TMBIM6: variants seen among roughly 807,000 people sequenced by gnomAD.
TMBIM6 encodes transmembrane BAX inhibitor motif containing 6.
A neutral mutation model predicts 31.4 loss-of-function variants in TMBIM6; 13 were observed. The ratio of observed to expected loss-of-function variants is 0.41; its 90% CI spans 0.27 to 0.66. The LOEUF (loss-of-function observed/expected upper bound fraction) is 0.66. Ranked by LOEUF, TMBIM6 falls within the 30% of genes least tolerant of loss-of-function variation. The pLI, the probability that TMBIM6 is intolerant of heterozygous loss-of-function variation, is 0.28. For synonymous variants in TMBIM6, 85 were observed against 101.7 expected, an observed-to-expected ratio of 0.84 and a Z score of 0.99; for missense variants, 275 against 289.5, an observed-to-expected ratio of 0.95 and a Z score of 0.36.
chr12:49,747,108 G>A (rs1224434463), intron 1 of TMBIM6, among the ~76,000 whole-genome samples: 1 of 152,036 alleles, frequency 6.6e-6, no homozygotes, highest in East Asian at 1.9e-4. Context: ...AAAGTGCTGG[G>A]ATTACAGGCA....
At chr12:49,758,543 T>G in intron 6 of TMBIM6, 63 bp downstream of exon 6, 1 of 1,570,440 alleles carries the variant, frequency 6.4e-7, no homozygotes, top group Middle Eastern at 1.7e-4. Context: ...TCACTAGTAC[T>G]CCTTCCTTAC....
rs768669673 is a variant in TMBIM6 at position 49,758,399 on chromosome 12, T to C, written c.352T>C (p.Phe118Leu). 2 of 1,614,230 alleles carry C rather than the reference T, an allele frequency of 1.2e-6. No individual in the cohort carries two copies. Among genetic ancestry groups the C allele is most frequent in the Admixed American group, 1.7e-5 (1 of 60,024 alleles). ...AVNPSILPTA[F>L]MGTAMIFTCF... ...TTCTAACAGCATCCTTCCCACTGCT[T>C]TCATGGGCACGGCAATGATCTTTAC... is the stretch of plus-strand genomic sequence containing the variant. The change falls in exon 6 of 10, where the codon TTC (phenylalanine) becomes CTC (leucine). Residue 118 changes from phenylalanine to leucine, a missense_variant. Coordinates refer to ENST00000267115, the MANE Select transcript of TMBIM6 (RefSeq NM_003217.3).
chr12:49,754,146 A>C (rs1468309520), intron 3 of TMBIM6, among the ~76,000 whole-genome samples: 2 of 151,900 alleles, frequency 1.3e-5, no homozygotes, highest in African/African-American at 4.8e-5. Flanking sequence ...TTGTGCTTTT[A>C]ATTGGTGATT....
rs1945752825 is a variant in TMBIM6 at position 49,763,185 on chromosome 12, C to T, written c.*289C>T. 3 of 317,848 alleles carry T rather than the reference C, an allele frequency of 9.4e-6. No homozygotes were observed. Among genetic ancestry groups the T allele is most frequent in the African/African-American group, 6.2e-5 (3 of 48,068 alleles). 19.7% of individuals were successfully genotyped at this position (317,848 alleles called of 1,614,324 possible). A position where few individuals can be genotyped will look rare whatever the true frequency, so the allele number is the denominator to read the frequency against. Reference sequence around the variant, plus strand: ...CGACCCGCCACGATGAGAAGTGGGACCAGCAGAGGGCGCCAACTTCAGGAG... The same window carrying T: ...CGACCCGCCACGATGAGAAGTGGGATCAGCAGAGGGCGCCAACTTCAGGAG... On this transcript the variant is annotated 3_prime_UTR_variant, in exon 10 of 10. Coordinates refer to ENST00000267115, the MANE Select transcript of TMBIM6 (RefSeq NM_003217.3).
intron 1 of TMBIM6, among the ~76,000 whole-genome samples, chr12:49,748,727 T>C (rs1175622304): frequency 2.0e-5 from 3 of 152,226 alleles, no homozygotes; most frequent in Non-Finnish European, 2.9e-5. Context: ...CAGGAGGCAC[T>C]ATCCACATTG....
Position 49,759,228 on chromosome 12 carries a change from T to TGTATGA in TMBIM6, c.526_527insAGTATG (p.Tyr175_Val176insGluTyr), listed in dbSNP as rs1393794276. On this transcript the variant is annotated inframe_insertion, in exon 8 of 10. Transcript: ENST00000267115. The stretch of plus-strand genomic sequence containing the variant: ...ATCTCTTACATTTGTTAGGCAAACC[T>TGTATGA]GTATGTGGGACTGGTGGTCATGTGT... 6.2e-7 allele frequency: 1 copy of TGTATGA among 1,614,056 alleles called. No individual in the cohort carries two copies. Among genetic ancestry groups the TGTATGA allele is most frequent in the South Asian group, 1.1e-5 (1 of 91,086 alleles).
At chr12:49,761,983 C>T (rs1431279297) in intron 9 of TMBIM6, 1 of 538,940 alleles carries the variant, frequency 1.9e-6, no homozygotes. Flanking sequence ...TTAACTAATT[C>T]CTGCGTTTAG....
In TMBIM6 at chr12:49,764,710, TAAAAAAAAAAAA is replaced by T. The variant is rs1945783690; in HGVS notation, c.*1815_*1826del. The T allele has an allele frequency of 9.8e-6, 1 of 101,782 alleles. No homozygotes were observed. The highest frequency in any genetic ancestry group is 2.0e-5 in the Non-Finnish European group (1 of 50,084). The allele number at this position is 101,782 out of a possible 1,614,324, so 6.3% of individuals were successfully genotyped here. A position where few individuals can be genotyped will look rare whatever the true frequency, so the allele number is the denominator to read the frequency against. ...AACAGTGCCAAGAATGACAAGATAT[TAAAAAAAAAAAA>T]GAAAGAAAAAAAAAAAAACACCTAC... On this transcript the variant is annotated 3_prime_UTR_variant, in exon 10 of 10. Coordinates refer to ENST00000267115, the MANE Select transcript of TMBIM6 (RefSeq NM_003217.3).
Position 49,763,602 on chromosome 12 carries a change from C to G in TMBIM6, c.*706C>G, listed in dbSNP as rs960120254. The G allele has an allele frequency of 2.6e-5, 4 of 152,226 alleles. No individual in the cohort carries two copies. Among genetic ancestry groups the G allele is most frequent in the Non-Finnish European group, 4.4e-5 (3 of 68,056 alleles). The allele number at this position is 152,226 out of a possible 1,614,324, so 9.4% of individuals were successfully genotyped here. A position where few individuals can be genotyped will look rare whatever the true frequency, so the allele number is the denominator to read the frequency against. Reference sequence around the variant, plus strand: ...GCACAAAGGAAAGACTAATTCTTGTCAGGCATTTTTGAAAAGGCTGATTAT... The same window carrying G: ...GCACAAAGGAAAGACTAATTCTTGTGAGGCATTTTTGAAAAGGCTGATTAT... On this transcript the variant is annotated 3_prime_UTR_variant, in exon 10 of 10. Coordinates refer to ENST00000267115, the MANE Select transcript of TMBIM6 (RefSeq NM_003217.3).
intron 1 of TMBIM6, among the ~76,000 whole-genome samples, chr12:49,747,454 G>A (rs148343156): frequency 2.6e-5 from 4 of 151,836 alleles, no homozygotes; most frequent in African/African-American, 7.2e-5. Context: ...GACAACAGGC[G>A]CACACCACCA....
At chr12:49,743,130 C>T (rs1372069357) in intron 1 of TMBIM6, among the ~76,000 whole-genome samples, 1 of 151,862 alleles carries the variant, frequency 6.6e-6, no homozygotes, top group Non-Finnish European at 1.5e-5. Flanking sequence ...CACAGGTGGA[C>T]GTCACCAGCT....
At chr12:49,747,836 A>C (rs1462403606) in intron 1 of TMBIM6, among the ~76,000 whole-genome samples, 1 of 152,130 alleles carries the variant, frequency 6.6e-6, no homozygotes, top group Non-Finnish European at 1.5e-5. Flanking sequence ...CTACTTCAGC[A>C]TGTTTCATGT....
Position 49,760,625 on chromosome 12 carries a change from C to T in TMBIM6, c.615-1079C>T, listed in dbSNP as rs948753987. Among the ~76,000 whole-genome samples, 10 of 151,080 alleles carry T rather than the reference C, an allele frequency of 6.6e-5. No homozygotes were observed. In the East Asian group the frequency reaches 1.6e-3, roughly 24 times the overall value. Reference sequence around the variant, plus strand: ...CATCTCAGCTCACTGCAACCTCCGCCTCCTGGGTTCAAGCGATTCTTGTGC... The same window carrying T: ...CATCTCAGCTCACTGCAACCTCCGCTTCCTGGGTTCAAGCGATTCTTGTGC... On this transcript the variant is annotated intron_variant, in intron 8 of 9. Coordinates refer to ENST00000267115, the MANE Select transcript of TMBIM6 (RefSeq NM_003217.3).
intron 8 of TMBIM6, among the ~76,000 whole-genome samples, chr12:49,759,715 A>C (rs1285398508): frequency 6.6e-6 from 1 of 151,740 alleles, no homozygotes. Flanking sequence ...GCTAAGGTAT[A>C]AGAATCATTT....
chr12:49,759,136 A>G (rs1945663875), intron 7 of TMBIM6, 85 bp from the exon 8 acceptor site: 2 of 1,150,272 alleles, frequency 1.7e-6, no homozygotes, highest in Non-Finnish European at 1.3e-6. Flanking sequence ...TGTACTTTCA[A>G]GTGACTATGA....
chr12:49,762,676 G>T (rs1861578264), intron 9 of TMBIM6, among the ~76,000 whole-genome samples, 197 bp from the exon 10 acceptor site: 1 of 152,168 alleles, frequency 6.6e-6, no homozygotes, highest in South Asian at 2.1e-4. Context: ...CTTTATTCTT[G>T]GTCGGTCTGT....
rs11169139 is a variant in TMBIM6, at chr12:49,745,836, G to A, written c.-31+4225G>A. ...CACTTTATTATAAAGTAGGCTTTGC[G>A]TTAGATAGTTTTGCCCAACTTCAGA... On this transcript the variant is annotated intron_variant, in intron 1 of 9. Transcript: ENST00000267115. Among the ~76,000 whole-genome samples, 1,212 of 152,170 alleles carry A rather than the reference G, an allele frequency of 8.0e-3. 11 individuals carry two copies. The highest frequency in any genetic ancestry group is 0.012 in the Non-Finnish European group (822 of 68,012).
chr12:49,751,758 AT>A (rs58141027), intron 1 of TMBIM6, among the ~76,000 whole-genome samples: 3,535 of 108,486 alleles, frequency 0.033, 31 homozygotes, highest in Non-Finnish European at 0.038. Flanking sequence ...TAGTGAGATA[AT>A]TTTTTTTTTT....
chr12:49,764,727 G>T lies in TMBIM6; in HGVS notation c.*1831G>T, dbSNP rs58387198. 1 of 113,806 alleles carries T rather than the reference G, an allele frequency of 8.8e-6. No individual in the cohort carries two copies. The highest frequency in any genetic ancestry group is 3.5e-5 in the African/African-American group (1 of 28,856). The allele number at this position is 113,806 out of a possible 1,614,324, so 7.0% of individuals were successfully genotyped here. ...CAAGATATTAAAAAAAAAAAAGAAA[G>T]AAAAAAAAAAAAACACCTACTTTTA... is the stretch of plus-strand genomic sequence containing the variant. On this transcript the variant is annotated 3_prime_UTR_variant, in exon 10 of 10. Coordinates refer to ENST00000267115, the MANE Select transcript of TMBIM6 (RefSeq NM_003217.3).
Sources: allele counts gnomAD v4.1 joint callset (sites outside exome capture counted in the v4.1 genomes callset), GRCh38; gene constraint gnomAD v4.1.1; transcripts MANE v1.5; gene names NCBI Gene and HGNC (gene_info 2026-07-23, HGNC 2026-07-21).